Variants in SERPINB4 observed in about 807,000 individuals in gnomAD.
The protein encoded by SERPINB4 is serpin family B member 4.
A neutral mutation model predicts 33.2 loss-of-function variants in SERPINB4; 39 were observed. That is an observed-to-expected ratio of 1.18 (90% confidence interval 0.91 to 1.53). The LOEUF is 1.53. Among genes scored for constraint, SERPINB4 ranks in the 40% most tolerant of loss-of-function variants. SERPINB4 has a pLI of 0.00. For missense variants in SERPINB4, 564 were observed against 455.4 expected (o/e 1.24, Z -2.17); for synonymous variants, 191 against 166.4 (o/e 1.15, Z -1.14).
Position 63,639,181 on chromosome 18 carries a change from T to C in SERPINB4, c.768+4A>G. On this transcript the variant is annotated splice_donor_region_variant and intron_variant, in intron 7 of 7. Transcript: ENST00000341074. Reference sequence around the variant, plus strand: ...AAGGAAGAGTTGTAGATGCAAGTTCTTACCTTCTGCAGACCATCGATTTCA... The same window carrying C: ...AAGGAAGAGTTGTAGATGCAAGTTCCTACCTTCTGCAGACCATCGATTTCA... The C allele has an allele frequency of 1.9e-6, 3 of 1,602,104 alleles. No individual in the cohort carries two copies. The highest frequency in any genetic ancestry group is 2.6e-6 in the Non-Finnish European group (3 of 1,172,494).
intron 3 of SERPINB4, 136 bp downstream of exon 3, chr18:63,643,025 C>G (rs1913187523): frequency 3.0e-6 from 3 of 1,016,926 alleles, no homozygotes; most frequent in Non-Finnish European, 4.4e-6. Flanking sequence ...GAAATGCCAA[C>G]CCACTCTGTA....
At chr18:63,639,069 T>A (rs1322268838) in intron 7 of SERPINB4, 116 bp downstream of exon 7, 1 of 1,237,634 alleles carries the variant, frequency 8.1e-7, no homozygotes, top group East Asian at 2.4e-5. Context: ...ATTCCTCATT[T>A]AGAATTTTTC....
At chr18:63,639,572 A>G (rs1913054655) in intron 6 of SERPINB4, 62 bp downstream of exon 6, 1 of 1,188,980 alleles carries the variant, frequency 8.4e-7, no homozygotes, top group Non-Finnish European at 1.2e-6. Context: ...ACATTCCATC[A>G]GAAATGTTTA....
chr18:63,639,092 C>G lies in SERPINB4; in HGVS notation c.768+93G>C, dbSNP rs143517145. Reference sequence around the variant, plus strand: ...TTTAGAATTTTTCATCATTTTGAGGCAACTCGGTCATAAGCTTTTACCTTG... The same window carrying G: ...TTTAGAATTTTTCATCATTTTGAGGGAACTCGGTCATAAGCTTTTACCTTG... On this transcript the variant is annotated intron_variant, in intron 7 of 7. Coordinates refer to ENST00000341074, the MANE Select transcript of SERPINB4 (RefSeq NM_002974.4). 17 of 1,374,190 alleles carry G rather than the reference C, an allele frequency of 1.2e-5. No individual in the cohort carries two copies. In the Admixed American group the frequency reaches 4.1e-4, roughly 33 times the overall value. The allele number at this position is 1,374,190 out of a possible 1,614,324, so 85.1% of individuals were successfully genotyped here. A position where few individuals can be genotyped will look rare whatever the true frequency, so the allele number is the denominator to read the frequency against.
chr18:63,641,730 A>G (rs374168265), intron 4 of SERPINB4, 30 bp downstream of exon 4: 11 of 1,612,780 alleles, frequency 6.8e-6, no homozygotes, highest in Non-Finnish European at 8.5e-6. Context: ...CAGGATGCAA[A>G]TGAAATGTGG....
In SERPINB4 at chr18:63,643,874, G is replaced by C. The variant is rs557101684; in HGVS notation, c.-26-271C>G. ...CTTTCTTTCATTGCTGGTTACACTA[G>C]AGCTAGGTAGGATGGCTTTACAATG... On this transcript the variant is annotated intron_variant, in intron 1 of 7. Transcript: ENST00000341074. Among the ~76,000 whole-genome samples the C allele has an allele frequency of 3.3e-5, 5 of 152,118 alleles. No individual in the cohort carries two copies. The South Asian group carries it at 6.2e-4, about 19-fold the overall frequency.
At chr18:63,640,798 C>T (rs1749627982) in intron 5 of SERPINB4, 76 bp downstream of exon 5, 2 of 1,239,940 alleles carry the variant, frequency 1.6e-6, no homozygotes, top group South Asian at 2.5e-5. Context: ...ACACCTGTTC[C>T]CCCATGCAGT....
rs751678183 is a variant in SERPINB4, at chr18:63,641,774, A to G, written c.337T>C (p.Tyr113His). 2.5e-6 allele frequency: 4 copies of G among 1,613,224 alleles called. No homozygotes were observed. Among genetic ancestry groups the G allele is most frequent in the East Asian group, 4.5e-5 (2 of 44,882 alleles). ...GGTGAAATTACCTGTAAAAATTGATACGTCTTTTCTCCGAAGAGCTTGTTG... is the reference window on the plus strand; with the variant it reads ...GGTGAAATTACCTGTAAAAATTGATGCGTCTTTTCTCCGAAGAGCTTGTTG... ...IANKLFGEKT[Y>H]QFLQEYLDAI... Residue 113 changes from tyrosine to histidine, a missense_variant, in exon 4 of 8, where the codon TAT becomes CAT. By Grantham distance (83) the Tyr-to-His change is moderately conservative (BLOSUM62 2). Coordinates refer to ENST00000341074, the MANE Select transcript of SERPINB4 (RefSeq NM_002974.4).
chr18:63,639,481 T>G, intron 6 of SERPINB4, 141 bp from the exon 7 acceptor site: 1 of 1,026,146 alleles, frequency 9.7e-7, no homozygotes, highest in Non-Finnish European at 1.4e-6. Flanking sequence ...GTTTTTCAGG[T>G]ATTCCTAACT....
Position 63,641,818 on chromosome 18 carries a change from G to A in SERPINB4, c.293C>T (p.Ala98Val), listed in dbSNP as rs1374783877. ...CTTGTTGGCGATCTTCAGCTCATATGCATCAGTGGATTTGTTGAATTCAGT... is the reference window on the plus strand; with the variant it reads ...CTTGTTGGCGATCTTCAGCTCATATACATCAGTGGATTTGTTGAATTCAGT... The part of the protein sequence containing the change: ...LLTEFNKSTD[A>V]YELKIANKLF... The change falls in exon 4 of 8, where the codon GCA becomes GTA. Residue 98 changes from alanine (A) to valine (V), a missense_variant. By Grantham distance (64) the Ala-to-Val change is moderately conservative. Transcript: ENST00000341074. The A allele has an allele frequency of 1.9e-6, 3 of 1,613,466 alleles. No homozygotes were observed. The highest frequency in any genetic ancestry group is 4.5e-5 in the East Asian group (2 of 44,872).
In SERPINB4 at chr18:63,639,576, A is replaced by G. The variant is rs1913054737; in HGVS notation, c.612+58T>C. Reference sequence around the variant, plus strand: ...CTTATCATGTTACATTCCATCAGAAATGTTTAACATTCCATGTATTAACAT... The same window carrying G: ...CTTATCATGTTACATTCCATCAGAAGTGTTTAACATTCCATGTATTAACAT... On this transcript the variant is annotated intron_variant, in intron 6 of 7. Transcript: ENST00000341074. 4 of 1,206,812 alleles carry G rather than the reference A, an allele frequency of 3.3e-6. No individual in the cohort carries two copies. In the Admixed American group the frequency reaches 6.3e-5, roughly 19 times the overall value. 74.8% of individuals were successfully genotyped at this position (1,206,812 alleles called of 1,614,324 possible). A position where few individuals can be genotyped will look rare whatever the true frequency, so the allele number is the denominator to read the frequency against.
intron 4 of SERPINB4, among the ~76,000 whole-genome samples, chr18:63,641,275 T>C (rs1229602770): frequency 6.6e-6 from 1 of 152,068 alleles, no homozygotes; most frequent in Non-Finnish European, 1.5e-5. Context: ...CTGAAGGAGA[T>C]TCATTGCTTC....
chr18:63,638,273 TAA>T, intron 7 of SERPINB4, 150 bp from the exon 8 acceptor site: 1 of 877,652 alleles, frequency 1.1e-6, no homozygotes, highest in Non-Finnish European at 1.7e-6. Flanking sequence ...TTCTAATAGG[TAA>T]AATATGAGTC....
chr18:63,642,995 G>A, intron 3 of SERPINB4, 166 bp downstream of exon 3: 1 of 747,392 alleles, frequency 1.3e-6, no homozygotes, highest in African/African-American at 1.8e-5. Context: ...CAGAAATGAG[G>A]AATAATAATT....
At chr18:63,638,167 C>T (rs768375413) in intron 7 of SERPINB4, 44 bp from the exon 8 acceptor site, 3 of 1,576,146 alleles carry the variant, frequency 1.9e-6, no homozygotes, top group African/African-American at 1.4e-5. Flanking sequence ...AACTGTCGAT[C>T]TCTAATACAC....
At chr18:63,642,405 G>A (rs906491467) in intron 3 of SERPINB4, among the ~76,000 whole-genome samples, 5 of 152,034 alleles carry the variant, frequency 3.3e-5, no homozygotes, top group Non-Finnish European at 7.4e-5. Context: ...GTGTATGCCA[G>A]GTCCATGGCT....
intron 3 of SERPINB4, among the ~76,000 whole-genome samples, chr18:63,642,456 C>T (rs1022384754): frequency 5.9e-5 from 9 of 152,020 alleles, no homozygotes; most frequent in Non-Finnish European, 1.2e-4. Flanking sequence ...TAGTTCAATT[C>T]AGATGAACAC....
chr18:63,639,563 C>T (rs1454883553), intron 6 of SERPINB4, 71 bp downstream of exon 6: 4 of 1,135,154 alleles, frequency 3.5e-6, no homozygotes, highest in African/African-American at 3.2e-5. Flanking sequence ...TATCATGTTA[C>T]ATTCCATCAG....
intron 3 of SERPINB4, 157 bp downstream of exon 3, chr18:63,643,004 T>C: frequency 1.3e-6 from 1 of 771,860 alleles, no homozygotes; most frequent in East Asian, 2.7e-5. Context: ...GGAATAATAA[T>C]TATGTGCCAT....
Sources: allele counts gnomAD v4.1 joint callset (sites outside exome capture counted in the v4.1 genomes callset), GRCh38; gene constraint gnomAD v4.1.1; transcripts MANE v1.5; gene names NCBI Gene and HGNC (gene_info 2026-07-23, HGNC 2026-07-21).